PRKAG2: variants seen among roughly 807,000 people sequenced by gnomAD.
PRKAG2 encodes the protein protein kinase AMP-activated non-catalytic subunit gamma 2, also known as 5'-AMP-activated protein kinase subunit gamma-2.
PRKAG2 carries 26 observed loss-of-function variants against 69.6 expected under a neutral mutation model. That is an observed-to-expected ratio of 0.37 (90% CI 0.27 to 0.52). PRKAG2 has a LOEUF of 0.52. PRKAG2 is among the 20% of genes least tolerant of loss of function. PRKAG2 has a pLI of 0.90. For synonymous variants in PRKAG2, 293 were observed against 285.0 expected (o/e 1.03, Z -0.28); for missense variants, 557 against 740.0 (o/e 0.75, Z 2.87).
intron 1 of PRKAG2, among the ~76,000 whole-genome samples, chr7:151,842,714 T>G (rs1586706252): frequency 6.6e-6 from 1 of 150,718 alleles, no homozygotes; most frequent in African/African-American, 2.5e-5. Flanking sequence ...GTAGCGATGG[T>G]AGGTAGTGAT....
chr7:151,855,272 C>T (rs1422022528), intron 1 of PRKAG2, among the ~76,000 whole-genome samples: 2 of 121,690 alleles, frequency 1.6e-5, no homozygotes. Context: ...ACACACCACC[C>T]TCCACACACA....
intron 6 of PRKAG2, among the ~76,000 whole-genome samples, chr7:151,592,904 C>T (rs960873105): frequency 2.0e-5 from 3 of 152,118 alleles, no homozygotes; most frequent in Admixed American, 6.5e-5. Context: ...ATCTTTTTAC[C>T]TTGACTTAAC....
intron 1 of PRKAG2, among the ~76,000 whole-genome samples, chr7:151,838,812 A>C (rs2079208907): frequency 1.3e-5 from 2 of 151,616 alleles, no homozygotes; most frequent in Non-Finnish European, 2.9e-5. Flanking sequence ...TTCAGGAGTT[A>C]GAGACAAGCC....
In PRKAG2 at chr7:151,675,486, C is replaced by A. The variant is rs145827515; in HGVS notation, c.618G>T (p.Pro206=). 2 of 1,614,080 alleles carry A rather than the reference C, an allele frequency of 1.2e-6. No individual in the cohort carries two copies. Among genetic ancestry groups the A allele is most frequent in the East Asian group, 2.2e-5 (1 of 44,892 alleles). ...SPPDTGQRFC[P]SSFQSPTRPP... Reference sequence around the variant, plus strand: ...GCCTGGTCGGGCTCTGGAAGGAAGACGGGCAGAACCTCTGCCCTGTGTCCG... The same window carrying A: ...GCCTGGTCGGGCTCTGGAAGGAAGAAGGGCAGAACCTCTGCCCTGTGTCCG... The change falls in exon 4 of 16, where the codon CCG becomes CCT. Residue 206 remains proline (P), a synonymous_variant. Coordinates refer to ENST00000287878, the MANE Select transcript of PRKAG2 (RefSeq NM_016203.4).
At chr7:151,740,231 C>T (rs974296801) in intron 3 of PRKAG2, among the ~76,000 whole-genome samples, 3 of 152,228 alleles carry the variant, frequency 2.0e-5, no homozygotes, top group African/African-American at 7.2e-5. Context: ...AGCAGACGCC[C>T]GAAGGAGGGA....
intron 1 of PRKAG2, among the ~76,000 whole-genome samples, chr7:151,857,683 G>C (rs1415117833): frequency 1.3e-5 from 2 of 152,224 alleles, no homozygotes; most frequent in Non-Finnish European, 2.9e-5. Context: ...GTGTGGGGAT[G>C]AAGTCAGCTG....
intron 1 of PRKAG2, among the ~76,000 whole-genome samples, chr7:151,797,602 C>T (rs1448599161): frequency 6.6e-6 from 1 of 152,214 alleles, no homozygotes; most frequent in African/African-American, 2.4e-5. Flanking sequence ...GATTCTTCCC[C>T]AACACTTTCT....
At chr7:151,868,438 C>G (rs1268596221) in intron 1 of PRKAG2, among the ~76,000 whole-genome samples, 1 of 152,244 alleles carries the variant, frequency 6.6e-6, no homozygotes, top group Non-Finnish European at 1.5e-5. Context: ...GCTGAACTCT[C>G]AGGTGGCCCC....
chr7:151,587,120 G>A (rs1336229874), intron 6 of PRKAG2, among the ~76,000 whole-genome samples: 2 of 152,132 alleles, frequency 1.3e-5, no homozygotes, highest in South Asian at 2.1e-4. Context: ...CAGCCTGGGC[G>A]ACAGAGCGAG....
intron 3 of PRKAG2, among the ~76,000 whole-genome samples, chr7:151,726,333 A>G (rs1797942555): frequency 1.3e-5 from 2 of 151,892 alleles, no homozygotes; most frequent in South Asian, 4.2e-4. Context: ...GGGGAAGTGA[A>G]GACACAGCAC....
chr7:151,628,028 G>T (rs1823430230), intron 5 of PRKAG2, among the ~76,000 whole-genome samples: 1 of 152,206 alleles, frequency 6.6e-6, no homozygotes, highest in Non-Finnish European at 1.5e-5. Flanking sequence ...GAACTGGGAT[G>T]AAATAAGCGG....
intron 1 of PRKAG2, among the ~76,000 whole-genome samples, chr7:151,876,215 G>C (rs1328081084): frequency 6.6e-6 from 1 of 152,018 alleles, no homozygotes; most frequent in Non-Finnish European, 1.5e-5. Context: ...TGGATACCGG[G>C]CTACGCCCAG....
chr7:151,712,483 A>G (rs544545598), intron 3 of PRKAG2, among the ~76,000 whole-genome samples: 224 of 152,158 alleles, frequency 1.5e-3, no homozygotes, highest in Non-Finnish European at 2.0e-3. Flanking sequence ...CCCACTGTGA[A>G]AGGGAAAGTC....
At chr7:151,675,185 T>G (rs576401821) in intron 4 of PRKAG2, 1 of 518,662 alleles carries the variant, frequency 1.9e-6, no homozygotes, top group African/African-American at 1.9e-5. Context: ...CCTCCCAAAG[T>G]GCTGGGACTA....
At chr7:151,655,731 G>A (rs541841375) in intron 4 of PRKAG2, among the ~76,000 whole-genome samples, 8 of 152,252 alleles carry the variant, frequency 5.3e-5, no homozygotes, top group Admixed American at 3.3e-4. Flanking sequence ...GAAGCTGCTC[G>A]TGCCTCAGTT....
intron 1 of PRKAG2, among the ~76,000 whole-genome samples, chr7:151,852,418 C>A: frequency 6.6e-6 from 1 of 152,098 alleles, no homozygotes; most frequent in African/African-American, 2.4e-5. Flanking sequence ...TTGCTTGAAC[C>A]CAGGGGGTGG....
chr7:151,711,987 G>T (rs1401037924), intron 3 of PRKAG2, among the ~76,000 whole-genome samples: 1 of 152,206 alleles, frequency 6.6e-6, no homozygotes, highest in Non-Finnish European at 1.5e-5. Context: ...GGTTTCCCAG[G>T]CGCCCCAGGT....
intron 6 of PRKAG2, among the ~76,000 whole-genome samples, chr7:151,590,093 G>A (rs1812682828): frequency 1.3e-5 from 2 of 152,200 alleles, no homozygotes; most frequent in Admixed American, 1.3e-4. Flanking sequence ...CCATGGCATT[G>A]TGACTAAAAA....
intron 1 of PRKAG2, among the ~76,000 whole-genome samples, chr7:151,865,761 T>C (rs2080051397): frequency 6.6e-6 from 1 of 152,170 alleles, no homozygotes; most frequent in Admixed American, 6.5e-5. Flanking sequence ...GGCTCACGCC[T>C]GTAATCCCAG....
Sources: gnomAD v4.1 joint callset for allele counts (sites outside exome capture counted in the v4.1 genomes callset) on GRCh38, gnomAD v4.1.1 for gene constraint, MANE v1.5 for transcripts, NCBI Gene and HGNC (gene_info 2026-07-23, HGNC 2026-07-21) for gene names.